Variants in CALN1 observed in about 807,000 individuals in gnomAD.
CALN1 encodes the protein calneuron 1.
In CALN1, 17 loss-of-function variants were observed where a neutral mutation model predicts 30.6. The observed-to-expected ratio is 0.56, with a 90% CI of 0.38 to 0.83. CALN1 has a LOEUF of 0.83. Ranked by LOEUF, CALN1 falls within the 40% of genes least tolerant of loss-of-function variation. The pLI is 0.00. For synonymous variants in CALN1, 156 were observed against 131.4 expected (o/e 1.19, Z -1.28); for missense variants, 291 against 354.9 (o/e 0.82, Z 1.45).
At chr7:72,026,709 C>A (rs192408860) in intron 4 of CALN1, among the ~76,000 whole-genome samples, 1 of 152,182 alleles carries the variant, frequency 6.6e-6, no homozygotes, top group Non-Finnish European at 1.5e-5. Context: ...AGCCACCATA[C>A]CTGACCTTAA....
intron 3 of CALN1, among the ~76,000 whole-genome samples, chr7:72,194,940 C>T (rs1790886499): frequency 6.6e-6 from 1 of 151,982 alleles, no homozygotes; most frequent in Non-Finnish European, 1.5e-5. Flanking sequence ...TTCCACGGTC[C>T]CATATGGTTT....
chr7:72,111,465 A>T (rs971307604), intron 3 of CALN1, among the ~76,000 whole-genome samples: 7 of 150,200 alleles, frequency 4.7e-5, no homozygotes, highest in Non-Finnish European at 7.4e-5. Context: ...CTGGTAACTT[A>T]TTTTTTTTTT....
intron 5 of CALN1, among the ~76,000 whole-genome samples, chr7:71,868,109 T>C (rs1464325078): frequency 6.6e-6 from 1 of 152,212 alleles, no homozygotes; most frequent in African/African-American, 2.4e-5. Context: ...ACAAAATCTA[T>C]CCCCATCCTA....
rs541492831 is a variant in CALN1 at position 72,383,480 on chromosome 7, CCT to C, written c.119+19769_119+19770del. Among the ~76,000 whole-genome samples the C allele has an allele frequency of 1.1e-4, 17 of 152,156 alleles. No individual in the cohort carries two copies. In the East Asian group the frequency reaches 2.1e-3, roughly 19 times the overall value. Reference sequence around the variant, plus strand: ...GGTATCTCATTATGGTTTTGATTTGCCTCTCTCTGGTGGTTAGTGATGTGGAG... The same window carrying C: ...GGTATCTCATTATGGTTTTGATTTGCCTCTCTGGTGGTTAGTGATGTGGAG... On this transcript the variant is annotated intron_variant, in intron 2 of 6. Transcript: ENST00000395275.
chr7:72,478,390 G>C, the CALN1 span, among the ~76,000 whole-genome samples: 3 of 144,086 alleles, frequency 2.1e-5, no homozygotes, highest in Non-Finnish European at 3.0e-5. Flanking sequence ...ATATTATATA[G>C]AAATATATAT....
In CALN1 at chr7:72,292,776, G is replaced by A. The variant is rs371098418; in HGVS notation, c.120-13966C>T. 1.0e-4 allele frequency among the ~76,000 whole-genome samples: 14 copies of A among 136,738 alleles called. No individual in the cohort carries two copies. The East Asian group carries it at 2.4e-3, about 23-fold the overall frequency. 89.7% of individuals were successfully genotyped at this position (136,738 alleles called of 152,430 possible). A position where few individuals can be genotyped will look rare whatever the true frequency, so the allele number is the denominator to read the frequency against. The stretch of plus-strand genomic sequence containing the variant: ...GTGAAGGTTACAGTGAGCCGAGATC[G>A]CGCCACTGCACTCCAGCTTGGGCAA... On this transcript the variant is annotated intron_variant, in intron 2 of 6. Transcript: ENST00000395275.
chr7:72,238,748 C>T (rs1794644088), intron 3 of CALN1, among the ~76,000 whole-genome samples: 1 of 152,186 alleles, frequency 6.6e-6, no homozygotes, highest in Non-Finnish European at 1.5e-5. Context: ...TTTGCTTCCC[C>T]TTCCACCATG....
chr7:71,826,861 A>C (rs1788944820), intron 5 of CALN1, among the ~76,000 whole-genome samples: 1 of 152,170 alleles, frequency 6.6e-6, no homozygotes, highest in Non-Finnish European at 1.5e-5. Context: ...TTTTTTATAG[A>C]GATGGGTGGT....
intron 3 of CALN1, among the ~76,000 whole-genome samples, chr7:72,154,868 C>T (rs1787542262): frequency 6.6e-6 from 1 of 151,360 alleles, no homozygotes; most frequent in Admixed American, 6.6e-5. Flanking sequence ...ATAATGAGAG[C>T]AACATAATGA....
At chr7:72,336,797 C>G (rs1562901412) in intron 2 of CALN1, 14 of 984,954 alleles carry the variant, frequency 1.4e-5, no homozygotes, top group Non-Finnish European at 1.2e-6. Flanking sequence ...GGGGGCGGTG[C>G]GGAATGGATG....
intron 2 of CALN1, among the ~76,000 whole-genome samples, chr7:72,387,433 G>A (rs1001940412): frequency 1.3e-5 from 2 of 152,086 alleles, no homozygotes; most frequent in African/African-American, 2.4e-5. Context: ...GATACAGTAC[G>A]GAAAGAGGGA....
intron 3 of CALN1, among the ~76,000 whole-genome samples, chr7:72,244,301 C>CT (rs1795024764): frequency 6.6e-6 from 1 of 152,166 alleles, no homozygotes; most frequent in South Asian, 2.1e-4. Flanking sequence ...CCCTCAAACT[C>CT]TGATTATTTC....
intron 4 of CALN1, among the ~76,000 whole-genome samples, chr7:72,096,177 A>G (rs1226107757): frequency 1.3e-5 from 2 of 152,178 alleles, no homozygotes; most frequent in Non-Finnish European, 2.9e-5. Flanking sequence ...CATGCTTCCA[A>G]GTGATGCTGA....
At chr7:71,915,242 C>A (rs997991072) in intron 5 of CALN1, among the ~76,000 whole-genome samples, 3 of 152,222 alleles carry the variant, frequency 2.0e-5, no homozygotes, top group Admixed American at 2.0e-4. Context: ...TAACTCTCAA[C>A]CACACTTGCA....
intron 2 of CALN1, among the ~76,000 whole-genome samples, chr7:72,397,733 CA>C (rs1806067273): frequency 4.0e-5 from 6 of 151,566 alleles, no homozygotes; most frequent in Non-Finnish European, 8.8e-5. Flanking sequence ...CACACACACA[CA>C]CACACACACA....
At chr7:72,197,073 G>C (rs762196034) in intron 3 of CALN1, among the ~76,000 whole-genome samples, 1 of 151,186 alleles carries the variant, frequency 6.6e-6, no homozygotes, top group African/African-American at 2.4e-5. Context: ...TTTTGAGTGA[G>C]TTTGGCCAGA....
chr7:72,257,555 G>T (rs768965637), intron 3 of CALN1, among the ~76,000 whole-genome samples: 1 of 152,170 alleles, frequency 6.6e-6, no homozygotes, highest in Non-Finnish European at 1.5e-5. Context: ...ACAGTGTGGA[G>T]ATTCCTTAAA....
At chr7:71,983,039 T>C (rs1263235359) in intron 5 of CALN1, among the ~76,000 whole-genome samples, 1 of 152,154 alleles carries the variant, frequency 6.6e-6, no homozygotes, top group Non-Finnish European at 1.5e-5. Context: ...CCTCACACTA[T>C]ATAAACATCA....
intron 3 of CALN1, among the ~76,000 whole-genome samples, chr7:72,263,792 G>C (rs541599586): frequency 1.9e-3 from 284 of 152,230 alleles, no homozygotes; most frequent in Non-Finnish European, 4.4e-4. Flanking sequence ...TTTTTGAGCA[G>C]TCACTATGTG....
Sources: gnomAD v4.1 joint callset for allele counts (sites outside exome capture counted in the v4.1 genomes callset) on GRCh38, gnomAD v4.1.1 for gene constraint, MANE v1.5 for transcripts, NCBI Gene and HGNC (gene_info 2026-07-23, HGNC 2026-07-21) for gene names.